The following DMD variants were observed in gnomAD, a reference collection of about 807,000 sequenced individuals.
The protein encoded by DMD is mutant dystrophin.
A neutral mutation model predicts 330.1 loss-of-function variants in DMD; 63 were observed. The observed-to-expected ratio is 0.19, with a 90% CI of 0.16 to 0.24. DMD has a LOEUF of 0.24. DMD is among the 10% of genes least tolerant of loss of function. The pLI, the probability that DMD is intolerant of heterozygous loss-of-function variation, is 1.00. For missense variants in DMD, 3,344 were observed against 2,684.1 expected, an observed-to-expected ratio of 1.25 and a Z score of -5.43; for synonymous variants, 1,223 against 959.8, an observed-to-expected ratio of 1.27 and a Z score of -5.07.
At chrX:33,251,690 A>T (rs2052774466) in intron 1 of DMD, among the ~76,000 whole-genome samples, 1 of 112,017 alleles carries the variant, frequency 8.9e-6, no homozygotes, top group South Asian at 3.6e-4. Context: ...TTTTAATATA[A>T]TGGTATATTG....
chrX:31,524,161 C>T (rs987331175), intron 55 of DMD, among the ~76,000 whole-genome samples: 3 of 112,003 alleles, frequency 2.7e-5, no homozygotes, highest in African/African-American at 6.5e-5. Context: ...GAGAGCAGAA[C>T]GCTTCCTTCA....
intron 55 of DMD, among the ~76,000 whole-genome samples, chrX:31,563,168 G>A (rs1427849163): frequency 9.0e-6 from 1 of 111,127 alleles, no homozygotes; most frequent in Non-Finnish European, 1.9e-5. Context: ...GGGTTCAAGC[G>A]ATTCTCCTGC....
intron 44 of DMD, among the ~76,000 whole-genome samples, chrX:32,057,632 A>C (rs774162250): frequency 8.9e-6 from 1 of 111,889 alleles, no homozygotes; most frequent in Non-Finnish European, 1.9e-5. Context: ...ATAAATGGAA[A>C]TACATCTGAT....
At chrX:31,526,814 A>G (rs935916989) in intron 55 of DMD, among the ~76,000 whole-genome samples, 2 of 112,052 alleles carry the variant, frequency 1.8e-5, no homozygotes, top group African/African-American at 6.5e-5. Context: ...AGATTTTTAT[A>G]TTTTAAAAAG....
chrX:31,596,018 T>C (rs2077095930), intron 55 of DMD, among the ~76,000 whole-genome samples: 1 of 111,660 alleles, frequency 9.0e-6, no homozygotes, highest in Non-Finnish European at 1.9e-5. Flanking sequence ...AAGCAAAAGT[T>C]AATAAAGACA....
rs749036966 is a variant in DMD, at chrX:32,482,415, G to C, written c.2803+2504C>G. 4.5e-5 allele frequency among the ~76,000 whole-genome samples: 5 copies of C among 111,525 alleles called. No homozygotes were observed. The South Asian group carries it at 1.9e-3, about 42-fold the overall frequency. ...AGACTCATATAACATATGATCTTTT[G>C]TGACTGGCTTCTTTCACTCAGCATA... On this transcript the variant is annotated intron_variant, in intron 21 of 78. Transcript: ENST00000357033.
intron 1 of DMD, among the ~76,000 whole-genome samples, chrX:33,102,316 G>GTTTTTTTTT (rs3083153): frequency 1.0e-5 from 1 of 95,846 alleles, no homozygotes; most frequent in African/African-American, 3.9e-5. Flanking sequence ...GGTTTTTTTT[G>GTTTTTTTTT]TTTTTTTTTT....
intron 57 of DMD, among the ~76,000 whole-genome samples, chrX:31,493,942 G>A (rs1373258257): frequency 9.0e-5 from 10 of 110,847 alleles, no homozygotes; most frequent in Non-Finnish European, 1.9e-4. Flanking sequence ...GGCAGATCAC[G>A]AGGTCAAGAG....
chrX:32,079,661 A>G (rs1256410457), intron 44 of DMD, among the ~76,000 whole-genome samples: 2 of 111,060 alleles, frequency 1.8e-5, no homozygotes, highest in Non-Finnish European at 3.8e-5. Context: ...AGGGAGGGGA[A>G]AAAAAAAGAA....
At chrX:31,803,434 G>A (rs5927866) in intron 50 of DMD, among the ~76,000 whole-genome samples, 13,276 of 111,521 alleles carry the variant, frequency 0.12, 661 homozygotes, top group East Asian at 0.23. Context: ...TACATAGAAC[G>A]TACACATAAA....
chrX:32,680,258 C>T (rs2062306323), intron 9 of DMD, among the ~76,000 whole-genome samples: 2 of 111,027 alleles, frequency 1.8e-5, no homozygotes, highest in African/African-American at 6.6e-5. Context: ...TTGATTATGA[C>T]CATGACACAT....
chrX:33,239,289 A>AAG (rs1357728762), intron 1 of DMD, among the ~76,000 whole-genome samples: 9 of 106,337 alleles, frequency 8.5e-5, no homozygotes, highest in African/African-American at 3.1e-4. Context: ...AAAAAAAAAA[A>AAG]AAAAAAAAAA....
intron 54 of DMD, among the ~76,000 whole-genome samples, chrX:31,641,179 T>C (rs915427695): frequency 9.0e-6 from 1 of 110,669 alleles, no homozygotes; most frequent in Non-Finnish European, 1.9e-5. Flanking sequence ...AATAGAGAAA[T>C]ACCATTGAGG....
intron 38 of DMD, 125 bp from the exon 39 acceptor site, chrX:32,346,205 CTAT>C: frequency 1.3e-6 from 1 of 761,001 alleles, no homozygotes; most frequent in Non-Finnish European, 1.9e-6. Flanking sequence ...TCATGGAATG[CTAT>C]TATAAGATAC....
intron 1 of DMD, among the ~76,000 whole-genome samples, chrX:33,074,065 G>A (rs1165153634): frequency 9.0e-6 from 1 of 111,035 alleles, no homozygotes; most frequent in African/African-American, 3.3e-5. Context: ...ATCTCAATAG[G>A]TAGACAAGAT....
intron 44 of DMD, among the ~76,000 whole-genome samples, chrX:32,131,574 C>T (rs1414585210): frequency 8.9e-6 from 1 of 112,064 alleles, no homozygotes; most frequent in African/African-American, 3.2e-5. Flanking sequence ...GACATCCTAA[C>T]ATTCTTGTCG....
intron 1 of DMD, among the ~76,000 whole-genome samples, chrX:33,303,139 C>T (rs760036672): frequency 9.0e-6 from 1 of 111,636 alleles, no homozygotes; most frequent in African/African-American, 3.2e-5. Context: ...GAATGTTCTA[C>T]ATCTTATTTA....
At chrX:31,743,384 C>A (rs1031474037) in intron 51 of DMD, among the ~76,000 whole-genome samples, 3 of 112,414 alleles carry the variant, frequency 2.7e-5, no homozygotes, top group Admixed American at 1.9e-4. Flanking sequence ...TACTAAAAAA[C>A]CACATGTATT....
chrX:32,048,996 G>C (rs1260112172), intron 44 of DMD, among the ~76,000 whole-genome samples: 1 of 111,470 alleles, frequency 9.0e-6, no homozygotes, highest in Non-Finnish European at 1.9e-5. Context: ...GGAAGAAACA[G>C]TAGACTGCGG....
Sources: gnomAD v4.1 joint callset for allele counts (sites outside exome capture counted in the v4.1 genomes callset) on GRCh38, gnomAD v4.1.1 for gene constraint, MANE v1.5 for transcripts, NCBI Gene and HGNC (gene_info 2026-07-23, HGNC 2026-07-21) for gene names.